Variants in AOAH observed in about 807,000 individuals in gnomAD.
AOAH encodes the protein acyloxyacyl hydrolase.
Under a neutral mutation model 92.2 loss-of-function variants are expected in AOAH, and 64 were observed. That is an observed-to-expected ratio of 0.69 (90% CI 0.57 to 0.86). AOAH has a LOEUF of 0.86. AOAH is among the 40% of genes least tolerant of loss of function. The pLI, the probability that AOAH is intolerant of heterozygous loss-of-function variation, is 0.00. For synonymous variants in AOAH, 263 were observed against 254.5 expected (o/e 1.03, Z -0.32); for missense variants, 656 against 694.6 (o/e 0.94, Z 0.62).
intron 11 of AOAH, among the ~76,000 whole-genome samples, chr7:36,611,687 G>T (rs577754670): frequency 1.3e-5 from 2 of 152,284 alleles, no homozygotes; most frequent in South Asian, 4.1e-4. Flanking sequence ...GAGGCCAGAA[G>T]CAGGAACAGG....
chr7:36,695,398 A>G lies in AOAH; in HGVS notation c.128-8604T>C, dbSNP rs1584136189. On this transcript the variant is annotated intron_variant, in intron 1 of 20. Transcript: ENST00000617537. ...AATACTTTTTGGAACAACATGAAAT[A>G]TGAAAATTTCTAGAATACCATTTTG... Among the ~76,000 whole-genome samples the G allele has an allele frequency of 2.0e-5, 3 of 152,326 alleles. No homozygotes were observed. In the South Asian group the frequency reaches 6.2e-4, roughly 32 times the overall value.
chr7:36,722,935 G>GAA (rs11407908), intron 1 of AOAH, among the ~76,000 whole-genome samples: 1,590 of 49,454 alleles, frequency 0.032, 244 homozygotes, highest in African/African-American at 0.056. Context: ...ATCCATCTCA[G>GAA]AAAAAAAAAA....
chr7:36,687,032 GC>G (rs1797072887), intron 1 of AOAH, among the ~76,000 whole-genome samples: 1 of 152,094 alleles, frequency 6.6e-6, no homozygotes, highest in Non-Finnish European at 1.5e-5. Flanking sequence ...TCTCCTTTCT[GC>G]AGTAGATGGC....
chr7:36,631,760 C>T (rs62445872), intron 6 of AOAH, among the ~76,000 whole-genome samples: 7 of 152,142 alleles, frequency 4.6e-5, no homozygotes, highest in African/African-American at 1.7e-4. Flanking sequence ...CGCTGGCAGG[C>T]ACTTGCCGGC....
chr7:36,579,700 CAG>C (rs1382821622), intron 12 of AOAH, among the ~76,000 whole-genome samples: 2 of 152,018 alleles, frequency 1.3e-5, no homozygotes, highest in East Asian at 3.9e-4. Flanking sequence ...GAGGCCAGGC[CAG>C]TCTCTCTTTG....
intron 5 of AOAH, among the ~76,000 whole-genome samples, chr7:36,633,040 G>A (rs1011370783): frequency 2.6e-5 from 4 of 152,144 alleles, no homozygotes; most frequent in Admixed American, 1.3e-4. Context: ...CCCCAGCTCC[G>A]GGCACACCCT....
intron 3 of AOAH, among the ~76,000 whole-genome samples, chr7:36,664,047 ATT>A (rs35818535): frequency 4.0e-5 from 6 of 150,804 alleles, no homozygotes; most frequent in Admixed American, 1.3e-4. Flanking sequence ...TTTTAGGTTC[ATT>A]TTTTTTTTAA....
intron 13 of AOAH, among the ~76,000 whole-genome samples, chr7:36,557,813 C>G (rs1296103309): frequency 1.3e-5 from 2 of 152,074 alleles, no homozygotes; most frequent in Non-Finnish European, 2.9e-5. Context: ...ACGTAGTTCT[C>G]GAGCCTTGGC....
At chr7:36,580,028 G>A (rs963679952) in intron 12 of AOAH, among the ~76,000 whole-genome samples, 2 of 152,154 alleles carry the variant, frequency 1.3e-5, no homozygotes, top group Admixed American at 1.3e-4. Flanking sequence ...GAAAGCCTAT[G>A]GTAGCACCTC....
At chr7:36,520,342 G>C (rs370478653) in intron 20 of AOAH, among the ~76,000 whole-genome samples, 1 of 152,158 alleles carries the variant, frequency 6.6e-6, no homozygotes, top group African/African-American at 2.4e-5. Flanking sequence ...TATACCCATT[G>C]TTTACAGAAT....
At chr7:36,534,792 G>A (rs757579399) in intron 16 of AOAH, among the ~76,000 whole-genome samples, 1 of 152,178 alleles carries the variant, frequency 6.6e-6, no homozygotes, top group Non-Finnish European at 1.5e-5. Flanking sequence ...CAGGCCAGGA[G>A]GACTGTCCCA....
rs1455037387 is a variant in AOAH at position 36,540,596 on chromosome 7, A to G, written c.1134-105T>C. The G allele has an allele frequency of 2.9e-6, 3 of 1,017,014 alleles. No individual in the cohort carries two copies. The African/African-American group carries it at 4.8e-5, about 16-fold the overall frequency. The allele number at this position is 1,017,014 out of a possible 1,614,324, so 63.0% of individuals were successfully genotyped here. A position where few individuals can be genotyped will look rare whatever the true frequency, so the allele number is the denominator to read the frequency against. ...ATCACACACACATACGCACACACAC[A>G]CACACAGTGTGGTGGTCATTGGAGC... On this transcript the variant is annotated intron_variant, in intron 15 of 20. Coordinates refer to ENST00000617537, the MANE Select transcript of AOAH (RefSeq NM_001637.4).
chr7:36,691,597 A>C (rs1027190707), intron 1 of AOAH, among the ~76,000 whole-genome samples: 5 of 152,168 alleles, frequency 3.3e-5, no homozygotes, highest in Non-Finnish European at 2.9e-5. Flanking sequence ...GAGGTCAGAG[A>C]GACCTGGACT....
At chr7:36,619,963 A>G (rs1792163496) in intron 9 of AOAH, among the ~76,000 whole-genome samples, 1 of 152,110 alleles carries the variant, frequency 6.6e-6, no homozygotes, top group Non-Finnish European at 1.5e-5. Flanking sequence ...GCCCCTGCCC[A>G]TGTGAGTACT....
intron 11 of AOAH, among the ~76,000 whole-genome samples, chr7:36,609,448 T>C (rs918679255): frequency 3.3e-5 from 5 of 152,170 alleles, no homozygotes; most frequent in African/African-American, 1.2e-4. Context: ...CTGCCTCCCA[T>C]GCACCTCTCT....
chr7:36,636,816 G>T (rs1299453066), intron 5 of AOAH, among the ~76,000 whole-genome samples: 1 of 152,106 alleles, frequency 6.6e-6, no homozygotes, highest in East Asian at 1.9e-4. Flanking sequence ...ATTTAACTGG[G>T]CATCCCATAT....
intron 20 of AOAH, among the ~76,000 whole-genome samples, chr7:36,519,213 T>G (rs1459757629): frequency 1.3e-5 from 2 of 152,176 alleles, no homozygotes; most frequent in Non-Finnish European, 1.5e-5. Flanking sequence ...CATGATCTGG[T>G]TCCTTAATAC....
chr7:36,645,617 A>G (rs1343532362), intron 4 of AOAH, among the ~76,000 whole-genome samples: 4 of 152,158 alleles, frequency 2.6e-5, no homozygotes, highest in Non-Finnish European at 5.9e-5. Context: ...TTAAATCTGC[A>G]TTCTGCTGTA....
chr7:36,631,534 T>C (rs1188937204), intron 6 of AOAH, among the ~76,000 whole-genome samples: 1 of 152,194 alleles, frequency 6.6e-6, no homozygotes, highest in Non-Finnish European at 1.5e-5. Context: ...GTGGGAATTC[T>C]GGACAGTGTC....
Sources: allele counts gnomAD v4.1 joint callset (sites outside exome capture counted in the v4.1 genomes callset), GRCh38; gene constraint gnomAD v4.1.1; transcripts MANE v1.5; gene names NCBI Gene and HGNC (gene_info 2026-07-23, HGNC 2026-07-21).